Variants in NRG3 observed in about 807,000 individuals in gnomAD.
NRG3 encodes pro-neuregulin-3, membrane-bound isoform.
A neutral mutation model predicts 66.9 loss-of-function variants in NRG3; 31 were observed. That is an observed-to-expected ratio of 0.46 (90% CI 0.35 to 0.63). The LOEUF (loss-of-function observed/expected upper bound fraction) is 0.63, where lower values mean the gene tolerates loss of function less well. NRG3 is among the 20% of genes least tolerant of loss of function. The pLI is 0.00. For missense variants in NRG3, 910 were observed against 878.9 expected (o/e 1.04, Z -0.45); for synonymous variants, 393 against 359.4 (o/e 1.09, Z -1.06).
In NRG3 at chr10:82,132,448, TATATATATATG is replaced by T. The variant is rs1564592989; in HGVS notation, c.824-226282_824-226272del. Among the ~76,000 whole-genome samples, 11 of 106,168 alleles carry T rather than the reference TATATATATATG, an allele frequency of 1.0e-4. No individual in the cohort carries two copies. In the East Asian group the frequency reaches 1.2e-3, roughly 12 times the overall value. The allele number at this position is 106,168 out of a possible 152,430, so 69.7% of individuals were successfully genotyped here. A position where few individuals can be genotyped will look rare whatever the true frequency, so the allele number is the denominator to read the frequency against. On this transcript the variant is annotated intron_variant, in intron 1 of 8. Transcript: ENST00000372141. Reference sequence around the variant, plus strand: ...TTGAATGCAGTTTGCTAATATCTTTTATATATATATGATATATATGATATATATATGATATA... The same window carrying T: ...TTGAATGCAGTTTGCTAATATCTTTTATATATATGATATATATATGATATA...
intron 1 of NRG3, among the ~76,000 whole-genome samples, chr10:82,329,050 G>A (rs151101216): frequency 2.1e-4 from 32 of 152,196 alleles, no homozygotes; most frequent in Non-Finnish European, 4.3e-4. Context: ...AGGTATACAG[G>A]GGAGTGGAGA....
intron 1 of NRG3, among the ~76,000 whole-genome samples, chr10:82,187,517 TC>T (rs1447521792): frequency 6.6e-6 from 1 of 152,164 alleles, no homozygotes; most frequent in African/African-American, 2.4e-5. Context: ...CATTATTTGT[TC>T]TTTGAGGGAG....
rs182196839 is a variant in NRG3 at position 82,755,839 on chromosome 10, T to A, written c.1027+17189T>A. 3.3e-3 allele frequency among the ~76,000 whole-genome samples: 497 copies of A among 152,298 alleles called. 4 individuals are homozygous for A. The highest frequency in any genetic ancestry group is 0.012 in the African/African-American group (485 of 41,580). On this transcript the variant is annotated intron_variant, in intron 3 of 8. Coordinates refer to ENST00000372141, the MANE Select transcript of NRG3 (RefSeq NM_001010848.4). ...CACCATCTACTTCACATTTTTCTAA[T>A]CTTCCTGTTTAATGTCGCAATCAAA...
At chr10:82,646,946 C>T (rs2133854155) in intron 2 of NRG3, among the ~76,000 whole-genome samples, 1 of 148,448 alleles carries the variant, frequency 6.7e-6, no homozygotes, top group Non-Finnish European at 1.5e-5. Context: ...TAAACTTTTG[C>T]ATTTCTTTTT....
At chr10:82,817,873 G>C (rs761513963) in intron 3 of NRG3, among the ~76,000 whole-genome samples, 7 of 152,236 alleles carry the variant, frequency 4.6e-5, no homozygotes, top group Non-Finnish European at 8.8e-5. Context: ...GCTCAGGTTA[G>C]AAAGACAGAG....
intron 3 of NRG3, among the ~76,000 whole-genome samples, chr10:82,781,056 GCTGTATCT>G (rs1481625815): frequency 6.6e-6 from 1 of 152,192 alleles, no homozygotes; most frequent in African/African-American, 2.4e-5. Flanking sequence ...AGATGCCCAT[GCTGTATCT>G]CTTTGTGCTG....
intron 1 of NRG3, among the ~76,000 whole-genome samples, chr10:81,972,755 GAATC>G (rs1487245491): frequency 1.3e-5 from 2 of 151,796 alleles, no homozygotes; most frequent in African/African-American, 4.8e-5. Context: ...AGAAAAAAAT[GAATC>G]AATAACGGTT....
chr10:82,238,353 A>G (rs1332665521), intron 1 of NRG3, among the ~76,000 whole-genome samples: 1 of 152,210 alleles, frequency 6.6e-6, no homozygotes, highest in Non-Finnish European at 1.5e-5. Flanking sequence ...TACTGAGTAT[A>G]TAAAATATTA....
At chr10:82,814,946 G>T (rs543633946) in intron 3 of NRG3, among the ~76,000 whole-genome samples, 1 of 152,116 alleles carries the variant, frequency 6.6e-6, no homozygotes, top group Non-Finnish European at 1.5e-5. Context: ...CAGAAAGTTT[G>T]CATAGACTTC....
intron 2 of NRG3, among the ~76,000 whole-genome samples, chr10:82,569,606 G>T (rs11195060): frequency 6.6e-6 from 1 of 151,400 alleles, no homozygotes; most frequent in African/African-American, 2.4e-5. Flanking sequence ...TCCACGGAAT[G>T]CTTCTTAGAA....
rs978806849 is a variant in NRG3, at chr10:82,148,200, G to A, written c.824-210539G>A. 5.9e-5 allele frequency among the ~76,000 whole-genome samples: 9 copies of A among 152,028 alleles called. No individual in the cohort carries two copies. The South Asian group carries it at 1.9e-3, about 32-fold the overall frequency. On this transcript the variant is annotated intron_variant, in intron 1 of 8. Coordinates refer to ENST00000372141, the MANE Select transcript of NRG3 (RefSeq NM_001010848.4). The stretch of plus-strand genomic sequence containing the variant: ...TCAAAAACTTCTTTGAGTCAATCCA[G>A]TTTAAAATATCACTGATTGCGGGGG...
chr10:82,411,010 C>G (rs2088034858), intron 2 of NRG3, among the ~76,000 whole-genome samples: 1 of 152,114 alleles, frequency 6.6e-6, no homozygotes, highest in African/African-American at 2.4e-5. Flanking sequence ...TTACACTGGA[C>G]AAATTGTTGG....
intron 1 of NRG3, among the ~76,000 whole-genome samples, chr10:82,107,524 A>G (rs1255240188): frequency 3.3e-5 from 5 of 152,324 alleles, no homozygotes; most frequent in African/African-American, 1.2e-4. Context: ...AAAAAATTTT[A>G]CAGGTGGAAA....
At chr10:82,656,962 C>G (rs989868786) in intron 2 of NRG3, among the ~76,000 whole-genome samples, 1 of 152,090 alleles carries the variant, frequency 6.6e-6, no homozygotes, top group Non-Finnish European at 1.5e-5. Flanking sequence ...CCCCTCATCA[C>G]GCTGGCCTCC....
intron 5 of NRG3, among the ~76,000 whole-genome samples, chr10:82,954,894 T>A (rs1214237810): frequency 6.6e-6 from 1 of 151,714 alleles, no homozygotes; most frequent in Non-Finnish European, 1.5e-5. Flanking sequence ...TACCTTGACC[T>A]TCCCTTACTT....
chr10:81,921,136 A>G (rs186924553), intron 1 of NRG3, among the ~76,000 whole-genome samples: 94 of 152,164 alleles, frequency 6.2e-4, no homozygotes, highest in Non-Finnish European at 9.9e-4. Context: ...CTTAGCCAAT[A>G]CTGAGGCTTG....
At chr10:82,683,396 A>C (rs888756622) in intron 2 of NRG3, among the ~76,000 whole-genome samples, 1 of 152,030 alleles carries the variant, frequency 6.6e-6, no homozygotes, top group Non-Finnish European at 1.5e-5. Flanking sequence ...TGTATATAGT[A>C]GCATCATGAA....
At chr10:82,938,953 G>A (rs950281113) in intron 4 of NRG3, among the ~76,000 whole-genome samples, 1 of 152,316 alleles carries the variant, frequency 6.6e-6, no homozygotes, top group East Asian at 1.9e-4. Flanking sequence ...GGAGTTAACA[G>A]ATCTTTTAAA....
intron 2 of NRG3, among the ~76,000 whole-genome samples, chr10:82,475,410 A>G (rs1841682039): frequency 6.6e-6 from 1 of 152,138 alleles, no homozygotes; most frequent in Non-Finnish European, 1.5e-5. Context: ...TCATAAAGAC[A>G]TAGAAAATCT....
Sources: allele counts gnomAD v4.1 joint callset (sites outside exome capture counted in the v4.1 genomes callset), GRCh38; gene constraint gnomAD v4.1.1; transcripts MANE v1.5; gene names NCBI Gene and HGNC (gene_info 2026-07-23, HGNC 2026-07-21).